The following CD36 variants were observed in gnomAD, a reference collection of about 807,000 sequenced individuals.
CD36 encodes the protein platelet glycoprotein 4.
CD36 carries 119 observed loss-of-function variants against 55.2 expected under a neutral mutation model. The ratio of observed to expected loss-of-function variants is 2.15; its 90% CI spans 1.86 to 2.51. The LOEUF is 2.51. Ranked by LOEUF, CD36 falls within the 30% of genes most tolerant of loss-of-function variation. CD36 has a pLI of 0.00. For missense variants in CD36, 819 were observed against 555.5 expected, an observed-to-expected ratio of 1.47 and a Z score of -4.77; for synonymous variants, 186 against 193.6, an observed-to-expected ratio of 0.96 and a Z score of 0.33.
intron 12 of CD36, 40 bp downstream of exon 12, chr7:80,672,883 G>T (rs541058204): frequency 1.6e-6 from 2 of 1,230,656 alleles, no homozygotes; most frequent in South Asian, 2.4e-5. Context: ...ATGATCTGTA[G>T]TATCGTAGTA....
At chr7:80,646,376 G>T (rs1795167451) in intron 2 of CD36, 195 bp downstream of exon 2, 1 of 310,554 alleles carries the variant, frequency 3.2e-6, no homozygotes, top group African/African-American at 2.2e-5. Flanking sequence ...GTTCTCCTTA[G>T]ATAAGATTTC....
intron 1 of CD36, among the ~76,000 whole-genome samples, chr7:80,621,695 T>A (rs930077131): frequency 1.1e-4 from 16 of 152,204 alleles, no homozygotes; most frequent in Non-Finnish European, 2.2e-4. Context: ...AAAATTAACT[T>A]CATACTAGTA....
intron 1 of CD36, among the ~76,000 whole-genome samples, chr7:80,642,362 CA>C (rs1165865154): frequency 2.0e-5 from 3 of 152,058 alleles, no homozygotes; most frequent in Non-Finnish European, 4.4e-5. Context: ...ACTGAGTAAG[CA>C]TAACCCAAAT....
chr7:80,625,146 T>C (rs1280551123), intron 1 of CD36: 2 of 152,082 alleles, frequency 1.3e-5, no homozygotes, highest in African/African-American at 4.8e-5. Flanking sequence ...TTAAAGACAG[T>C]TTTCAATTTG....
chr7:80,602,912 A>C (rs1005908257), intron 1 of CD36, among the ~76,000 whole-genome samples: 3 of 152,176 alleles, frequency 2.0e-5, no homozygotes, highest in Non-Finnish European at 2.9e-5. Flanking sequence ...GCTTGCTGTC[A>C]CAACTGACAA....
chr7:80,647,446 C>T lies in CD36; in HGVS notation c.120+586C>T, dbSNP rs1795255652. On this transcript the variant is annotated intron_variant, in intron 3 of 14. Transcript: ENST00000447544. ...ATATTGGAATCTTAGAAAATACTTT[C>T]AGAAATATGCAGAACATGTCTTAGT... Among the ~76,000 whole-genome samples the T allele has an allele frequency of 2.0e-5, 3 of 152,014 alleles. No individual in the cohort carries two copies. In the South Asian group the frequency reaches 6.2e-4, roughly 32 times the overall value.
intron 8 of CD36, among the ~76,000 whole-genome samples, chr7:80,667,861 C>T (rs969336593): frequency 6.7e-5 from 10 of 149,600 alleles, no homozygotes; most frequent in Non-Finnish European, 1.3e-4. Context: ...AGTGATTCTC[C>T]TACCTCAATC....
intron 1 of CD36, among the ~76,000 whole-genome samples, chr7:80,613,230 T>A (rs1467777988): frequency 6.6e-6 from 1 of 152,136 alleles, no homozygotes; most frequent in African/African-American, 2.4e-5. Context: ...TTTTTAAACA[T>A]GAGCTGCATG....
chr7:80,643,192 A>G (rs1376779745), intron 1 of CD36, among the ~76,000 whole-genome samples: 2 of 152,130 alleles, frequency 1.3e-5, no homozygotes, highest in Non-Finnish European at 2.9e-5. Flanking sequence ...GAGCTACTTG[A>G]TTGAATAAAG....
At chr7:80,673,730 T>A (rs1212213718) in intron 13 of CD36, 5 of 571,858 alleles carry the variant, frequency 8.7e-6, no homozygotes, top group Non-Finnish European at 1.6e-5. Flanking sequence ...AATAAGTCTT[T>A]GGAGCAAATG....
Position 80,652,953 on chromosome 7 carries a change from CT to C in CD36, c.121-3580del, listed in dbSNP as rs1448970965. On this transcript the variant is annotated intron_variant, in intron 3 of 14. Transcript: ENST00000447544. ...GCCACATGAAAATGCCAAAATTCAACTTTTTTTGATTTTCAAAAATACTAAG... is the reference window on the plus strand; with the variant it reads ...GCCACATGAAAATGCCAAAATTCAACTTTTTTGATTTTCAAAAATACTAAG... Among the ~76,000 whole-genome samples, 27 of 152,220 alleles carry C rather than the reference CT, an allele frequency of 1.8e-4. 2 individuals carry two copies. The East Asian group carries it at 5.2e-3, about 29-fold the overall frequency.
upstream of CD36, among the ~76,000 whole-genome samples, chr7:80,635,444 T>A (rs1794339378): frequency 6.6e-6 from 1 of 152,038 alleles, no homozygotes; most frequent in South Asian, 2.1e-4. Flanking sequence ...CTGGCTAATT[T>A]TTGTATTTTT....
At position 80,664,290 on chromosome 7, in the gene CD36, T is replaced by C. The variant is rs866665886; in HGVS notation, c.610-116T>C. 1.1e-4 allele frequency: 76 copies of C among 697,754 alleles called. 1 individual carries two copies. The highest frequency in any genetic ancestry group is 8.1e-4 in the Middle Eastern group (2 of 2,460). The allele number at this position is 697,754 out of a possible 1,614,324, so 43.2% of individuals were successfully genotyped here. ...ATAATTTAAAAAAATGTATTGCAGATGTATTTCAAGTCATTTGAGTAACCA... is the reference window on the plus strand; with the variant it reads ...ATAATTTAAAAAAATGTATTGCAGACGTATTTCAAGTCATTTGAGTAACCA... On this transcript the variant is annotated intron_variant, in intron 6 of 14. Transcript: ENST00000447544.
At position 80,650,432 on chromosome 7, in the gene CD36, T is replaced by G. The variant is rs565059176; in HGVS notation, c.120+3572T>G. ...GTATATCTTTGGCATAGAGTAGGAG[T>G]CAAATATTTGAATTTTGTGTAAACC... is the stretch of plus-strand genomic sequence containing the variant. On this transcript the variant is annotated intron_variant, in intron 3 of 14. Transcript: ENST00000447544. Among the ~76,000 whole-genome samples, 9 of 152,036 alleles carry G rather than the reference T, an allele frequency of 5.9e-5. 1 individual carries two copies. The East Asian group carries it at 1.7e-3, about 29-fold the overall frequency.
At chr7:80,670,388 C>A (rs1048708702) in intron 9 of CD36, 1 of 282,424 alleles carries the variant, frequency 3.5e-6, no homozygotes, top group South Asian at 3.9e-5. Flanking sequence ...GCACTGGAGC[C>A]TTTACCACTA....
rs1798213607 is a variant in CD36 at position 80,677,994 on chromosome 7, T to C, written c.*1611T>C. ...GGAATATAAGAGGAAAGACAATTCA[T>C]ATACAAAGACAACGAGATTAAAAAT... On this transcript the variant is annotated 3_prime_UTR_variant, in exon 15 of 15. Transcript: ENST00000447544. The C allele has an allele frequency of 6.6e-6, 1 of 152,196 alleles. No homozygotes were observed. Among genetic ancestry groups the C allele is most frequent in the African/African-American group, 2.4e-5 (1 of 41,454 alleles). The allele number at this position is 152,196 out of a possible 1,614,324, so 9.4% of individuals were successfully genotyped here.
intron 1 of CD36, among the ~76,000 whole-genome samples, chr7:80,604,537 G>A (rs1562764670): frequency 1.3e-5 from 2 of 151,466 alleles, no homozygotes; most frequent in Non-Finnish European, 2.9e-5. Flanking sequence ...CTGCTAAATA[G>A]CTAAAGATGT....
intron 8 of CD36, among the ~76,000 whole-genome samples, chr7:80,667,759 T>TTTTTTTTTTTTTTTTTTTTTG (rs1797258756): frequency 7.1e-6 from 1 of 141,306 alleles, no homozygotes; most frequent in African/African-American, 2.6e-5. Flanking sequence ...TTTTTTTTTT[T>TTTTTTTTTTTTTTTTTTTTTG]TTTTTTTTTG....
chr7:80,664,618 A>T, intron 7 of CD36, 121 bp downstream of exon 7: 1 of 716,146 alleles, frequency 1.4e-6, no homozygotes. Flanking sequence ...GTTATAATTC[A>T]GCTCTGGAAA....
Sources: gnomAD v4.1 joint callset for allele counts (sites outside exome capture counted in the v4.1 genomes callset) on GRCh38, gnomAD v4.1.1 for gene constraint, MANE v1.5 for transcripts, NCBI Gene and HGNC (gene_info 2026-07-23, HGNC 2026-07-21) for gene names.